Variants in DNAH8 observed in about 807,000 individuals in gnomAD.
DNAH8 encodes axonemal beta dynein heavy chain 8.
DNAH8 carries 382 observed loss-of-function variants against 562.1 expected under a neutral mutation model. That is an observed-to-expected ratio of 0.68 (90% CI 0.63 to 0.74). DNAH8 has a LOEUF of 0.74. Among genes scored for constraint, DNAH8 ranks in the 30% least tolerant of loss-of-function variants. The pLI, the probability that DNAH8 is intolerant of heterozygous loss-of-function variation, is 0.00. For missense variants in DNAH8, 5,203 were observed against 5,620.4 expected, an observed-to-expected ratio of 0.93 and a Z score of 2.37; for synonymous variants, 1,881 against 1,919.4, an observed-to-expected ratio of 0.98 and a Z score of 0.52.
intron 12 of DNAH8, among the ~76,000 whole-genome samples, chr6:38,771,444 T>C (rs940567014): frequency 1.1e-4 from 16 of 152,328 alleles, no homozygotes; most frequent in Middle Eastern, 3.4e-3. Flanking sequence ...AAGTCAATGT[T>C]TTCTAGTGTA....
At chr6:39,005,889 G>T (rs753784563) in intron 88 of DNAH8, among the ~76,000 whole-genome samples, 1 of 152,138 alleles carries the variant, frequency 6.6e-6, no homozygotes, top group Non-Finnish European at 1.5e-5. Flanking sequence ...GGTTTTCTAC[G>T]GTTTTACTGT....
chr6:38,749,258 AAACT>A (rs376419613), intron 8 of DNAH8, among the ~76,000 whole-genome samples: 14 of 152,262 alleles, frequency 9.2e-5, no homozygotes, highest in African/African-American at 3.4e-4. Flanking sequence ...CATCCTCAGC[AAACT>A]AACATAGGAA....
intron 10 of DNAH8, among the ~76,000 whole-genome samples, chr6:38,757,280 A>C (rs1766011789): frequency 6.6e-6 from 1 of 152,168 alleles, no homozygotes; most frequent in Non-Finnish European, 1.5e-5. Context: ...AGTGATGATG[A>C]GCATTTTTTC....
intron 79 of DNAH8, 75 bp downstream of exon 79, chr6:38,939,063 C>A: frequency 1.7e-6 from 2 of 1,152,430 alleles, no homozygotes; most frequent in Admixed American, 2.3e-5. Flanking sequence ...ACCATAAACC[C>A]ATTTCTGTGA....
At chr6:38,864,673 G>A (rs1393919073) in intron 45 of DNAH8, among the ~76,000 whole-genome samples, 1 of 151,100 alleles carries the variant, frequency 6.6e-6, no homozygotes, top group African/African-American at 2.4e-5. Context: ...CAAGTTTCAC[G>A]ACCTAACTTC....
chr6:38,753,103 T>C (rs1285999406), intron 9 of DNAH8, among the ~76,000 whole-genome samples: 2 of 152,182 alleles, frequency 1.3e-5, no homozygotes, highest in Admixed American at 1.3e-4. Context: ...CACCAAGAAT[T>C]ATGACTTTCT....
intron 35 of DNAH8, among the ~76,000 whole-genome samples, chr6:38,845,294 G>A (rs984351490): frequency 1.1e-4 from 17 of 152,120 alleles, no homozygotes; most frequent in African/African-American, 3.4e-4. Flanking sequence ...CCAAAAGTTC[G>A]AATTGAAAAC....
In DNAH8 at chr6:38,917,435, A is replaced by G. The variant is rs139798043; in HGVS notation, c.10308+29A>G. 19,074 of 1,596,634 alleles carry G rather than the reference A, an allele frequency of 0.012. 209 individuals carry two copies. The highest frequency in any genetic ancestry group is 0.033 in the South Asian group (2,962 of 89,412). On this transcript the variant is annotated intron_variant, in intron 69 of 92. Transcript: ENST00000327475. ...AGTAAAATCTATCATTGTCAATCCT[A>G]TGAGCTGCATCAGGCGTCCTCAGCC...
chr6:38,750,495 C>T lies in DNAH8; in HGVS notation c.1313C>T (p.Ala438Val). The T allele has an allele frequency of 1.2e-6, 2 of 1,609,460 alleles. No individual in the cohort carries two copies. Among genetic ancestry groups the T allele is most frequent in the Admixed American group, 1.7e-5 (1 of 59,514 alleles). ...TCTTAGAATTGGCGTGATTTGGATG[C>T]AAGAATCACTGATACAGCAAATGAA... The part of the protein sequence containing the change: ...KLLKNWRDLD[A>V]RITDTANESK... The change falls in exon 9 of 93, where the codon GCA becomes GTA. Residue 438 changes from alanine to valine, a missense_variant. Transcript: ENST00000327475.
chr6:38,868,287 T>C (rs915756294), intron 48 of DNAH8, 91 bp downstream of exon 48: 1 of 1,263,918 alleles, frequency 7.9e-7, no homozygotes, highest in Non-Finnish European at 1.1e-6. Flanking sequence ...TGTTGAGCTG[T>C]GAGCACCCAT....
intron 75 of DNAH8, 88 bp from the exon 76 acceptor site, chr6:38,931,723 C>A: frequency 1.2e-6 from 1 of 805,384 alleles, no homozygotes; most frequent in Non-Finnish European, 1.9e-6. Context: ...CGTCACAGCA[C>A]TGACAGGTAA....
chr6:38,878,921 CAT>C (rs1778236989), intron 53 of DNAH8, among the ~76,000 whole-genome samples: 1 of 152,126 alleles, frequency 6.6e-6, no homozygotes, highest in Admixed American at 6.5e-5. Context: ...AATAATTCCA[CAT>C]GATACGTTAA....
intron 7 of DNAH8, among the ~76,000 whole-genome samples, chr6:38,738,259 G>A (rs945423261): frequency 2.0e-5 from 3 of 152,182 alleles, no homozygotes; most frequent in African/African-American, 7.2e-5. Flanking sequence ...CCCCAATAAT[G>A]TTTAAATTGT....
chr6:38,994,143 C>T (rs1416873369), intron 88 of DNAH8, among the ~76,000 whole-genome samples: 1 of 152,154 alleles, frequency 6.6e-6, no homozygotes, highest in East Asian at 1.9e-4. Flanking sequence ...GTTCACTTCT[C>T]TTATTTTGAG....
chr6:38,730,961 C>A (rs1180179158), intron 4 of DNAH8, among the ~76,000 whole-genome samples: 1 of 152,186 alleles, frequency 6.6e-6, no homozygotes, highest in African/African-American at 2.4e-5. Flanking sequence ...CAGGGTGTTC[C>A]AACCCATAGC....
intron 89 of DNAH8, 131 bp downstream of exon 89, chr6:39,009,101 G>T: frequency 1.7e-6 from 1 of 598,742 alleles, no homozygotes. Context: ...GAAAAATTTT[G>T]ACTATATTAC....
chr6:38,945,476 C>T lies in DNAH8; in HGVS notation c.12017C>T (p.Ala4006Val), dbSNP rs746171375. ...TGACGCTCTTCCCCAGGGGGAGCAG[C>T]TCTGGACCTGAAAGCCTGTCCTCCC... is the stretch of plus-strand genomic sequence containing the variant. The part of the protein sequence containing the change: ...EFQALIKGGA[A>V]LDLKACPPKP... Residue 4006 changes from alanine to valine, a missense_variant, in exon 80 of 93, where the codon GCT becomes GTT. This residue lies in a region of DNAH8 where 1,399 missense variants were observed against 1,518.4 expected (regional missense o/e 0.92). Coordinates refer to ENST00000327475, the MANE Select transcript of DNAH8 (RefSeq NM_001206927.2). 1.9e-6 allele frequency: 3 copies of T among 1,614,112 alleles called. No homozygotes were observed. In the South Asian group the frequency reaches 3.3e-5, roughly 18 times the overall value.
At chr6:38,760,707 C>T (rs1481253886) in intron 10 of DNAH8, among the ~76,000 whole-genome samples, 8 of 152,088 alleles carry the variant, frequency 5.3e-5, no homozygotes, top group Non-Finnish European at 4.4e-5. Context: ...TTGGTGCCCT[C>T]CTTGTGGTAA....
intron 85 of DNAH8, among the ~76,000 whole-genome samples, chr6:38,980,289 A>G (rs1221757902): frequency 6.6e-6 from 1 of 152,238 alleles, no homozygotes; most frequent in African/African-American, 2.4e-5. Context: ...TTACAGGACC[A>G]CATATATCAA....
Sources: gnomAD v4.1 joint callset for allele counts (sites outside exome capture counted in the v4.1 genomes callset) on GRCh38, gnomAD v4.1.1 for gene constraint, gnomAD v4.1.1 regional missense constraint, MANE v1.5 for transcripts, NCBI Gene and HGNC (gene_info 2026-07-23, HGNC 2026-07-21) for gene names.